EVA1A: variants seen among roughly 807,000 people sequenced by gnomAD.
EVA1A encodes protein eva-1 homolog A.
A neutral mutation model predicts 9.8 loss-of-function variants in EVA1A; 7 were observed. The observed-to-expected ratio is 0.71, with a 90% CI of 0.41 to 1.34. EVA1A has a LOEUF of 1.34. Ranked by LOEUF, EVA1A falls within the 40% of genes most tolerant of loss-of-function variation. EVA1A has a pLI of 0.01. For missense variants in EVA1A, 206 were observed against 205.9 expected (o/e 1.00, Z 0.00); for synonymous variants, 90 against 85.6 (o/e 1.05, Z -0.28).
In EVA1A at chr2:75,493,057, A is replaced by T; in HGVS notation, c.*179T>A. On this transcript the variant is annotated 3_prime_UTR_variant, in exon 4 of 4. Transcript: ENST00000393913. ...GGTGATGAACTGCTTTGATTTTTCT[A>T]CTTCTCCATACATTTGGCCAAAAAG... 1 of 832,468 alleles carries T rather than the reference A, an allele frequency of 1.2e-6. No homozygotes were observed. The highest frequency in any genetic ancestry group is 1.9e-6 in the Non-Finnish European group (1 of 534,914). 51.6% of individuals were successfully genotyped at this position (832,468 alleles called of 1,614,324 possible). A position where few individuals can be genotyped will look rare whatever the true frequency, so the allele number is the denominator to read the frequency against.
At chr2:75,520,264 G>A (rs1343788245) in intron 2 of EVA1A, among the ~76,000 whole-genome samples, 1 of 152,066 alleles carries the variant, frequency 6.6e-6, no homozygotes, top group East Asian at 1.9e-4. Flanking sequence ...TCTGGCAAAT[G>A]TTTCCTATAA....
chr2:75,520,318 T>C (rs1354485362), intron 2 of EVA1A, among the ~76,000 whole-genome samples: 1 of 105,794 alleles, frequency 9.5e-6, no homozygotes, highest in East Asian at 2.3e-4. Flanking sequence ...ATCTCAATGA[T>C]GTTTTTGCAG....
chr2:75,494,700 A>G (rs936395110), intron 3 of EVA1A, among the ~76,000 whole-genome samples: 15 of 152,220 alleles, frequency 9.9e-5, no homozygotes, highest in African/African-American at 3.4e-4. Flanking sequence ...GAACCCAGCT[A>G]AGCCACACCC....
At chr2:75,513,227 A>G (rs967216069) in intron 3 of EVA1A, among the ~76,000 whole-genome samples, 1 of 152,202 alleles carries the variant, frequency 6.6e-6, no homozygotes, top group African/African-American at 2.4e-5. Context: ...TACTCCAGTC[A>G]AGTGCATAAA....
intron 3 of EVA1A, among the ~76,000 whole-genome samples, chr2:75,494,154 G>A (rs1467020966): frequency 6.8e-6 from 1 of 146,404 alleles, no homozygotes; most frequent in Admixed American, 6.6e-5. Flanking sequence ...GGACAACATG[G>A]GTTTGAACAG....
intron 3 of EVA1A, among the ~76,000 whole-genome samples, chr2:75,502,758 C>T (rs1674475165): frequency 6.6e-6 from 1 of 152,184 alleles, no homozygotes; most frequent in African/African-American, 2.4e-5. Flanking sequence ...ATCTGTAATA[C>T]CGTCAGCCAT....
intron 3 of EVA1A, among the ~76,000 whole-genome samples, chr2:75,513,362 T>C (rs1674885516): frequency 6.6e-6 from 1 of 152,212 alleles, no homozygotes; most frequent in South Asian, 2.1e-4. Context: ...ATTAGAACTC[T>C]AGACTTATTC....
rs556756033 is a variant in EVA1A, at chr2:75,557,368, C to T, written c.-192+3312G>A. ...TACCCAGAGGGTAAGTGAGTGGCTC[C>T]AAATCTGCTTCTCCAACACCCCATA... On this transcript the variant is annotated intron_variant, in intron 1 of 3. Coordinates refer to ENST00000393913, the MANE Select transcript of EVA1A (RefSeq NM_001135032.2). Among the ~76,000 whole-genome samples, 41 of 152,330 alleles carry T rather than the reference C, an allele frequency of 2.7e-4. No homozygotes were observed. In the South Asian group the frequency reaches 7.9e-3, roughly 29 times the overall value.
intron 3 of EVA1A, among the ~76,000 whole-genome samples, chr2:75,500,693 CCTCT>C (rs1374603480): frequency 1.3e-5 from 2 of 151,644 alleles, no homozygotes; most frequent in African/African-American, 4.8e-5. Flanking sequence ...CTCTCTCTTA[CCTCT>C]CTCTCTATCC....
intron 3 of EVA1A, among the ~76,000 whole-genome samples, chr2:75,499,074 T>C (rs1674318306): frequency 6.6e-6 from 1 of 152,350 alleles, no homozygotes. Flanking sequence ...GCCTGAGTCT[T>C]ATCTAGATTC....
intron 3 of EVA1A, among the ~76,000 whole-genome samples, chr2:75,498,763 TG>T (rs1231246331): frequency 6.6e-6 from 1 of 151,972 alleles, no homozygotes; most frequent in African/African-American, 2.4e-5. Flanking sequence ...GTAGCACTAC[TG>T]AGTGACTTAA....
chr2:75,569,647 C>G (rs1240564900), exon 1 of EVA1A: 2 of 152,302 alleles, frequency 1.3e-5, no homozygotes, highest in Non-Finnish European at 2.9e-5. Context: ...ACATATCTCT[C>G]CCAACCATTC....
At chr2:75,555,301 ATCTCTCTCTCTCTC>A (rs58092436) in intron 1 of EVA1A, among the ~76,000 whole-genome samples, 2 of 57,154 alleles carry the variant, frequency 3.5e-5, no homozygotes, top group Non-Finnish European at 4.0e-5. Flanking sequence ...TCAAAACTCA[ATCTCTCTCTCTCTC>A]TCTCTCTCTC....
chr2:75,499,046 G>A (rs1466743685), intron 3 of EVA1A, among the ~76,000 whole-genome samples: 2 of 152,198 alleles, frequency 1.3e-5, no homozygotes, highest in Non-Finnish European at 2.9e-5. Context: ...CATGCTATCT[G>A]ATGACAGGCT....
At chr2:75,560,543 A>C (rs1047222168) in intron 1 of EVA1A, 137 bp downstream of exon 1, 1 of 152,124 alleles carries the variant, frequency 6.6e-6, no homozygotes, top group Non-Finnish European at 1.5e-5. Context: ...CTGGGCAGGG[A>C]CTTGGGAACA....
rs1279430608 is a variant in EVA1A, at chr2:75,533,898, G to A, written c.-191-11411C>T. Among the ~76,000 whole-genome samples the A allele has an allele frequency of 4.0e-5, 6 of 151,806 alleles. No individual in the cohort carries two copies. In the East Asian group the frequency reaches 9.7e-4, roughly 24 times the overall value. On this transcript the variant is annotated intron_variant, in intron 1 of 3. Coordinates refer to ENST00000393913, the MANE Select transcript of EVA1A (RefSeq NM_001135032.2). ...GCGATCTTGGCTCACTGCAAGCTCCGCCTCCCAGGTTCACGCCATTCTCCT... is the reference window on the plus strand; with the variant it reads ...GCGATCTTGGCTCACTGCAAGCTCCACCTCCCAGGTTCACGCCATTCTCCT...
At chr2:75,544,451 C>T (rs940940396) in intron 1 of EVA1A, among the ~76,000 whole-genome samples, 3 of 152,102 alleles carry the variant, frequency 2.0e-5, no homozygotes, top group African/African-American at 7.2e-5. Flanking sequence ...TTAGACTGAT[C>T]AAGACCAACA....
intron 3 of EVA1A, among the ~76,000 whole-genome samples, chr2:75,500,568 G>C (rs1228894698): frequency 6.6e-6 from 1 of 152,128 alleles, no homozygotes; most frequent in African/African-American, 2.4e-5. Context: ...CTCTTTAAGA[G>C]ATACATTTCC....
At chr2:75,553,054 C>T (rs1676579959) in intron 1 of EVA1A, among the ~76,000 whole-genome samples, 1 of 152,366 alleles carries the variant, frequency 6.6e-6, no homozygotes, top group South Asian at 2.1e-4. Flanking sequence ...CCTTCACAGG[C>T]TGACTTCCTT....
Sources: gnomAD v4.1 joint callset for allele counts (sites outside exome capture counted in the v4.1 genomes callset) on GRCh38, gnomAD v4.1.1 for gene constraint, MANE v1.5 for transcripts, NCBI Gene and HGNC (gene_info 2026-07-23, HGNC 2026-07-21) for gene names.